LCLAT1: variants seen among roughly 807,000 people sequenced by gnomAD.
LCLAT1 encodes the protein 1-AGP acyltransferase 8.
Under a neutral mutation model 30.7 loss-of-function variants are expected in LCLAT1, and 11 were observed. The ratio of observed to expected loss-of-function variants is 0.36; its 90% CI spans 0.23 to 0.59. The LOEUF is 0.59. Ranked by LOEUF, LCLAT1 falls within the 20% of genes least tolerant of loss-of-function variation. The pLI, the probability that LCLAT1 is intolerant of heterozygous loss-of-function variation, is 0.77. For missense variants in LCLAT1, 402 were observed against 458.6 expected, an observed-to-expected ratio of 0.88 and a Z score of 1.13; for synonymous variants, 155 against 151.3, an observed-to-expected ratio of 1.02 and a Z score of -0.18.
At chr2:30,561,736 G>A (rs529062045) in intron 3 of LCLAT1, among the ~76,000 whole-genome samples, 4 of 152,248 alleles carry the variant, frequency 2.6e-5, no homozygotes, top group Middle Eastern at 3.4e-3. Context: ...TATACTTGAC[G>A]ACAGTCTTTT....
intron 1 of LCLAT1, among the ~76,000 whole-genome samples, chr2:30,502,090 G>T (rs1684427402): frequency 6.6e-6 from 1 of 152,156 alleles, no homozygotes; most frequent in African/African-American, 2.4e-5. Flanking sequence ...AAGTTAGGGA[G>T]GGAGGAAAAA....
At chr2:30,493,806 CAAAT>C (rs1683962468) in intron 1 of LCLAT1, among the ~76,000 whole-genome samples, 1 of 152,130 alleles carries the variant, frequency 6.6e-6, no homozygotes, top group African/African-American at 2.4e-5. Flanking sequence ...ATTGAAATAT[CAAAT>C]AAGGTAGTGG....
In LCLAT1 at chr2:30,640,732, ATTATTTGTTAAAGATATTTTGCAC is replaced by A. The variant is rs1669262541; in HGVS notation, c.*117_*140del. The stretch of plus-strand genomic sequence containing the variant: ...ATGTCGAATATTTCTTACTGCCATC[ATTATTTGTTAAAGATATTTTGCAC>A]TTAATTTTGTGGGAAAAATATTGCT... On this transcript the variant is annotated 3_prime_UTR_variant, in exon 6 of 6. Transcript: ENST00000379509. 4.8e-6 allele frequency: 6 copies of A among 1,260,854 alleles called. No individual in the cohort carries two copies. In the South Asian group the frequency reaches 9.3e-5, roughly 20 times the overall value. The allele number at this position is 1,260,854 out of a possible 1,614,324, so 78.1% of individuals were successfully genotyped here.
intron 3 of LCLAT1, among the ~76,000 whole-genome samples, chr2:30,552,912 G>A (rs1299007302): frequency 6.6e-6 from 1 of 152,110 alleles, no homozygotes; most frequent in African/African-American, 2.4e-5. Flanking sequence ...GCATTTCTGT[G>A]GTTGCATCCA....
intron 5 of LCLAT1, chr2:30,606,140 A>G (rs977886385): frequency 4.1e-5 from 31 of 757,184 alleles, no homozygotes; most frequent in Admixed American, 5.8e-5. Context: ...GGAAGAATCA[A>G]TATCGTGAAA....
intron 5 of LCLAT1, among the ~76,000 whole-genome samples, chr2:30,634,498 C>T (rs928284020): frequency 5.9e-5 from 9 of 152,054 alleles, no homozygotes; most frequent in Non-Finnish European, 1.0e-4. Context: ...TGGTGGTGTG[C>T]GTCTGTAGTC....
chr2:30,517,826 G>A (rs1263654979), intron 1 of LCLAT1, among the ~76,000 whole-genome samples: 1 of 152,148 alleles, frequency 6.6e-6, no homozygotes, highest in Admixed American at 6.5e-5. Flanking sequence ...TCCTTTAAAA[G>A]CCAGGGTAAA....
At chr2:30,625,722 T>C (rs758394666) in intron 5 of LCLAT1, among the ~76,000 whole-genome samples, 2 of 152,240 alleles carry the variant, frequency 1.3e-5, no homozygotes, top group African/African-American at 2.4e-5. Flanking sequence ...AACAGTCTGC[T>C]ATAGTTTTGA....
At chr2:30,632,392 G>A (rs982636588) in intron 5 of LCLAT1, among the ~76,000 whole-genome samples, 1 of 152,184 alleles carries the variant, frequency 6.6e-6, no homozygotes, top group Non-Finnish European at 1.5e-5. Flanking sequence ...GAGTTAGTAG[G>A]GATGGAGAGG....
chr2:30,608,480 G>GACTC (rs1171101183), intron 5 of LCLAT1, among the ~76,000 whole-genome samples: 8 of 151,976 alleles, frequency 5.3e-5, no homozygotes, highest in African/African-American at 1.7e-4. Context: ...CTCACTCACT[G>GACTC]ACTCACCCAG....
At chr2:30,615,209 G>A (rs1030581439) in intron 5 of LCLAT1, among the ~76,000 whole-genome samples, 1 of 152,070 alleles carries the variant, frequency 6.6e-6, no homozygotes, top group Non-Finnish European at 1.5e-5. Context: ...CTGGGGCTCT[G>A]TTCCTGAGTA....
Position 30,548,842 on chromosome 2 carries a change from C to A in LCLAT1, c.365-13304C>A, listed in dbSNP as rs183842126. Among the ~76,000 whole-genome samples the A allele has an allele frequency of 4.0e-3, 602 of 152,020 alleles. 3 individuals are homozygous for A. The highest frequency in any genetic ancestry group is 5.8e-3 in the Non-Finnish European group (391 of 67,976). ...CTGAGTAAGACTGGAAAGTAAGTCA[C>A]AATATACAGGGTTAAACAAAGCTCA... On this transcript the variant is annotated intron_variant, in intron 3 of 5. Coordinates refer to ENST00000379509, the MANE Select transcript of LCLAT1 (RefSeq NM_001002257.3).
intron 5 of LCLAT1, among the ~76,000 whole-genome samples, chr2:30,582,730 G>A (rs1230771094): frequency 6.6e-6 from 1 of 152,164 alleles, no homozygotes; most frequent in Non-Finnish European, 1.5e-5. Flanking sequence ...TGTACCAAGT[G>A]CAACATCATA....
intron 5 of LCLAT1, among the ~76,000 whole-genome samples, chr2:30,624,476 T>A (rs532021322): frequency 6.6e-6 from 1 of 152,252 alleles, no homozygotes; most frequent in East Asian, 1.9e-4. Context: ...TATTCCTATA[T>A]TAGACAAAAC....
intron 5 of LCLAT1, among the ~76,000 whole-genome samples, chr2:30,623,314 A>C (rs2148518805): frequency 6.6e-6 from 1 of 152,288 alleles, no homozygotes; most frequent in South Asian, 2.1e-4. Flanking sequence ...TTGGCCTCCC[A>C]AAGTGCTGGG....
At chr2:30,621,017 C>T (rs949565350) in intron 5 of LCLAT1, among the ~76,000 whole-genome samples, 4 of 152,196 alleles carry the variant, frequency 2.6e-5, no homozygotes, top group African/African-American at 9.7e-5. Flanking sequence ...ACGATGATCT[C>T]ATCTCAATCC....
At chr2:30,587,412 T>C (rs1405586441) in intron 5 of LCLAT1, among the ~76,000 whole-genome samples, 2 of 152,240 alleles carry the variant, frequency 1.3e-5, no homozygotes, top group African/African-American at 4.8e-5. Context: ...GGTAACTATT[T>C]GTTATTGTTA....
intron 3 of LCLAT1, among the ~76,000 whole-genome samples, chr2:30,546,153 C>T (rs1664399907): frequency 6.6e-6 from 1 of 152,046 alleles, no homozygotes; most frequent in South Asian, 2.1e-4. Context: ...CTGATGAATG[C>T]TTTCATCCAT....
intron 2 of LCLAT1, among the ~76,000 whole-genome samples, chr2:30,532,709 T>C (rs1434689036): frequency 6.6e-6 from 1 of 152,096 alleles, no homozygotes; most frequent in Non-Finnish European, 1.5e-5. Context: ...AGTGAACAGT[T>C]TACCTTTCCG....
Sources: allele counts gnomAD v4.1 joint callset (sites outside exome capture counted in the v4.1 genomes callset), GRCh38; gene constraint gnomAD v4.1.1; transcripts MANE v1.5; gene names NCBI Gene and HGNC (gene_info 2026-07-23, HGNC 2026-07-21).